IRAK3: variants seen among roughly 807,000 people sequenced by gnomAD.
IRAK3 encodes the protein interleukin-1 receptor-associated kinase 3.
IRAK3 carries 57 observed loss-of-function variants against 56.6 expected under a neutral mutation model. The observed-to-expected ratio is 1.01, with a 90% confidence interval of 0.81 to 1.26. The LOEUF (loss-of-function observed/expected upper bound fraction) is 1.26, where lower values mean the gene tolerates loss of function less well. Among genes scored for constraint, IRAK3 ranks in the 50% most tolerant of loss-of-function variants. IRAK3 has a pLI of 0.00. For missense variants in IRAK3, 703 were observed against 719.0 expected (o/e 0.98, Z 0.25); for synonymous variants, 258 against 255.7 (o/e 1.01, Z -0.09).
At position 66,245,207 on chromosome 12, in the gene IRAK3, G is replaced by A. The variant is rs371562025; in HGVS notation, c.1259G>A (p.Cys420Tyr). 40 of 1,614,048 alleles carry A rather than the reference G, an allele frequency of 2.5e-5. No individual in the cohort carries two copies. The highest frequency in any genetic ancestry group is 3.4e-5 in the Non-Finnish European group (40 of 1,180,040). ...CPRNFSAKLFCLAGRCAATRA... is the reference protein window; with the variant it reads ...CPRNFSAKLFYLAGRCAATRA... ...CGGAATTTCTCTGCCAAGCTCTTCT[G>A]TTTGGCAGGCCGGTGTGCTGCAACG... is the stretch of plus-strand genomic sequence containing the variant. Residue 420 changes from cysteine to tyrosine, a missense_variant, in exon 11 of 12, where the codon TGT becomes TAT. Coordinates refer to ENST00000261233, the MANE Select transcript of IRAK3 (RefSeq NM_007199.3).
intron 11 of IRAK3, among the ~76,000 whole-genome samples, chr12:66,247,494 T>C (rs1643066686): frequency 6.6e-6 from 1 of 152,220 alleles, no homozygotes; most frequent in Admixed American, 6.5e-5. Context: ...TAGTTTCTTT[T>C]ATACCTGGTT....
chr12:66,244,664 G>C lies in IRAK3; in HGVS notation c.1066G>C (p.Asp356His), dbSNP rs2053008893. 6.2e-7 allele frequency: 1 copy of C among 1,613,702 alleles called. No individual in the cohort carries two copies. The highest frequency in any genetic ancestry group is 1.3e-5 in the African/African-American group (1 of 74,908). The change falls in exon 9 of 12, where the codon GAT becomes CAT. Residue 356 changes from aspartate (D) to histidine (H), a missense_variant. Transcript: ENST00000261233. ...IRQGKLSIKT[D>H]VYSFGIVIME... is the part of the protein sequence containing the mutation. ...ACAGGGGAAACTTTCCATTAAAACA[G>C]ATGTCTACAGCTTTGGAATTGTGAG...
chr12:66,247,129 G>A (rs1005164598), intron 11 of IRAK3, among the ~76,000 whole-genome samples: 6 of 152,126 alleles, frequency 3.9e-5, no homozygotes, highest in Non-Finnish European at 5.9e-5. Flanking sequence ...AATTAGCTGG[G>A]CATGGTGGCA....
rs1592598933 is a variant in IRAK3 at position 66,235,375 on chromosome 12, C to G, written c.887+7005C>G. On this transcript the variant is annotated intron_variant, in intron 8 of 11. Coordinates refer to ENST00000261233, the MANE Select transcript of IRAK3 (RefSeq NM_007199.3). ...CGAGGGGGAGGACGCAAGGAGGGGGCCGGCCGGGCCCCGGGCCGAGGCAGC... is the reference window on the plus strand; with the variant it reads ...CGAGGGGGAGGACGCAAGGAGGGGGGCGGCCGGGCCCCGGGCCGAGGCAGC... 9.9e-6 allele frequency: 10 copies of G among 1,012,358 alleles called. No homozygotes were observed. In the South Asian group the frequency reaches 4.5e-4, roughly 45 times the overall value. The allele number at this position is 1,012,358 out of a possible 1,614,324, so 62.7% of individuals were successfully genotyped here.
At chr12:66,215,350 A>G (rs573293147) in intron 5 of IRAK3, among the ~76,000 whole-genome samples, 20 of 152,288 alleles carry the variant, frequency 1.3e-4, no homozygotes, top group Non-Finnish European at 2.6e-4. Flanking sequence ...GATTGCTTCT[A>G]GAACCCCTTC....
At chr12:66,243,189 C>G (rs915944686) in intron 8 of IRAK3, among the ~76,000 whole-genome samples, 4 of 152,152 alleles carry the variant, frequency 2.6e-5, no homozygotes, top group Non-Finnish European at 5.9e-5. Flanking sequence ...TTCCCCCAAA[C>G]TCTCTAAATA....
At chr12:66,231,545 A>G (rs187395865) in intron 8 of IRAK3, among the ~76,000 whole-genome samples, 50 of 152,324 alleles carry the variant, frequency 3.3e-4, no homozygotes, top group Admixed American at 3.9e-4. Context: ...GTGTAGTGCA[A>G]TGGTAACTAT....
intron 1 of IRAK3, among the ~76,000 whole-genome samples, chr12:66,193,168 C>A (rs4762087): frequency 4.6e-5 from 7 of 151,564 alleles, no homozygotes; most frequent in African/African-American, 1.7e-4. Flanking sequence ...CCACCATGCC[C>A]GGCTTAATTT....
chr12:66,229,971 C>G (rs1024649389), intron 8 of IRAK3, among the ~76,000 whole-genome samples: 5 of 152,174 alleles, frequency 3.3e-5, no homozygotes, highest in African/African-American at 1.2e-4. Flanking sequence ...TGACTGAGTT[C>G]ATCAAATCCT....
At chr12:66,209,003 G>A (rs1187032929) in intron 2 of IRAK3, among the ~76,000 whole-genome samples, 1 of 150,226 alleles carries the variant, frequency 6.7e-6, no homozygotes. Flanking sequence ...TCAAGTGGAG[G>A]CAGAGATTGC....
intron 8 of IRAK3, among the ~76,000 whole-genome samples, chr12:66,237,156 C>T (rs1039237414): frequency 6.6e-6 from 1 of 152,150 alleles, no homozygotes; most frequent in Non-Finnish European, 1.5e-5. Flanking sequence ...TCATCTGGAA[C>T]TGGGGTGACA....
At chr12:66,228,893 C>T (rs1448527424) in intron 8 of IRAK3, among the ~76,000 whole-genome samples, 1 of 152,100 alleles carries the variant, frequency 6.6e-6, no homozygotes, top group East Asian at 1.9e-4. Context: ...ATAGGCTGGG[C>T]TAAGCTGGGA....
At chr12:66,196,181 T>A (rs1358918722) in intron 1 of IRAK3, among the ~76,000 whole-genome samples, 1 of 152,172 alleles carries the variant, frequency 6.6e-6, no homozygotes. Context: ...TTCCTTCCTT[T>A]GTTTCCTGCT....
intron 6 of IRAK3, among the ~76,000 whole-genome samples, chr12:66,220,910 G>A (rs191492056): frequency 5.4e-4 from 82 of 152,160 alleles, no homozygotes; most frequent in Admixed American, 5.3e-3. Flanking sequence ...GTGAAAAATG[G>A]CATTGGAATT....
intron 2 of IRAK3, 93 bp downstream of exon 2, chr12:66,203,986 C>A: frequency 8.9e-7 from 1 of 1,127,466 alleles, no homozygotes; most frequent in South Asian, 1.3e-5. Flanking sequence ...GACATTGACT[C>A]ATGCTCTGTG....
At chr12:66,227,641 C>T (rs911837768) in intron 7 of IRAK3, among the ~76,000 whole-genome samples, 4 of 151,878 alleles carry the variant, frequency 2.6e-5, no homozygotes, top group African/African-American at 9.7e-5. Flanking sequence ...ACATGCCTGT[C>T]CCAGCTACTT....
intron 8 of IRAK3, among the ~76,000 whole-genome samples, chr12:66,233,645 A>G (rs570394280): frequency 6.6e-6 from 1 of 151,984 alleles, no homozygotes; most frequent in South Asian, 2.1e-4. Flanking sequence ...CAGAAAGCCC[A>G]TTTCATACAG....
At position 66,252,068 on chromosome 12, in the gene IRAK3, T is replaced by C. The variant is rs1209468654; in HGVS notation, c.*3897T>C. The C allele has an allele frequency of 6.6e-6, 1 of 152,196 alleles. No homozygotes were observed. The highest frequency in any genetic ancestry group is 1.5e-5 in the Non-Finnish European group (1 of 68,044). 9.4% of individuals were successfully genotyped at this position (152,196 alleles called of 1,614,324 possible). A position where few individuals can be genotyped will look rare whatever the true frequency, so the allele number is the denominator to read the frequency against. On this transcript the variant is annotated 3_prime_UTR_variant, in exon 12 of 12. Transcript: ENST00000261233. The stretch of plus-strand genomic sequence containing the variant: ...GGATGGCTATTCAAGGAATTGGGGA[T>C]CCACAGCAGCTGTGCACAACCATCC...
chr12:66,244,758 G>A, intron 9 of IRAK3, 74 bp downstream of exon 9: 1 of 1,385,890 alleles, frequency 7.2e-7, no homozygotes, highest in Non-Finnish European at 1.0e-6. Context: ...ATTTTTTAAA[G>A]AGTTTTAACT....
Sources: allele counts gnomAD v4.1 joint callset (sites outside exome capture counted in the v4.1 genomes callset), GRCh38; gene constraint gnomAD v4.1.1; transcripts MANE v1.5; gene names NCBI Gene and HGNC (gene_info 2026-07-23, HGNC 2026-07-21).